PKDCC: variants seen among roughly 807,000 people sequenced by gnomAD.
PKDCC encodes extracellular tyrosine-protein kinase PKDCC.
A neutral mutation model predicts 44.7 loss-of-function variants in PKDCC; 35 were observed. The observed-to-expected ratio is 0.78, with a 90% CI of 0.60 to 1.04. The LOEUF (loss-of-function observed/expected upper bound fraction) is 1.04. PKDCC is among the 50% of genes least tolerant of loss of function. The pLI is 0.00. For missense variants in PKDCC, 738 were observed against 672.7 expected, an observed-to-expected ratio of 1.10 and a Z score of -1.07; for synonymous variants, 353 against 303.3, an observed-to-expected ratio of 1.16 and a Z score of -1.70.
Position 42,048,611 on chromosome 2 carries a change from G to T in PKDCC, c.412G>T (p.Val138Leu). ...PRLGCAALRN[V>L]SGAQYMGSGY... The stretch of plus-strand genomic sequence containing the variant: ...CCTGGGCTGCGCCGCGCTTCGCAAC[G>T]TGTCCGGCGCGCAGTACATGGGCTC... Residue 138 changes from valine (V) to leucine (L), a missense_variant, in exon 1 of 7, where the codon GTG becomes TTG. By Grantham distance (32) the Val-to-Leu change is conservative. Coordinates refer to ENST00000294964, the MANE Select transcript of PKDCC (RefSeq NM_138370.3). This position sits in a 1 kb window ranked among gnomAD's most constrained non-coding sequence, Gnocchi z 6.2. 2 of 1,512,970 alleles carry T rather than the reference G, an allele frequency of 1.3e-6. No individual in the cohort carries two copies. 93.7% of individuals were successfully genotyped at this position (1,512,970 alleles called of 1,614,324 possible).
intron 2 of PKDCC, 66 bp downstream of exon 2, chr2:42,053,427 C>T (rs1335164754): frequency 2.0e-6 from 3 of 1,520,850 alleles, no homozygotes; most frequent in Admixed American, 4.3e-5. Context: ...AGAAGGCCAG[C>T]CCTCCAAAGC....
At chr2:42,053,912 C>A in intron 2 of PKDCC, 124 bp from the exon 3 acceptor site, 1 of 1,225,360 alleles carries the variant, frequency 8.2e-7, no homozygotes, top group Non-Finnish European at 1.1e-6. Context: ...GCCCTGGGGC[C>A]TATAGAAGAG....
chr2:42,048,619 C>G lies in PKDCC; in HGVS notation c.420C>G (p.Gly140=). ...GCGCCGCGCTTCGCAACGTGTCCGG[C>G]GCGCAGTACATGGGCTCAGGCTACA... ...LGCAALRNVS[G]AQYMGSGYTK... The change falls in exon 1 of 7, where the codon GGC becomes GGG. Residue 140 remains glycine, a synonymous_variant. Transcript: ENST00000294964. The surrounding 1 kb of genome is among the most constrained non-coding windows in gnomAD (Gnocchi z 6.2). 1 of 1,525,976 alleles carries G rather than the reference C, an allele frequency of 6.6e-7. No homozygotes were observed. Among genetic ancestry groups the G allele is most frequent in the Non-Finnish European group, 8.8e-7 (1 of 1,137,428 alleles). 94.5% of individuals were successfully genotyped at this position (1,525,976 alleles called of 1,614,324 possible).
intron 6 of PKDCC, 88 bp downstream of exon 6, chr2:42,057,482 G>T: frequency 6.4e-7 from 1 of 1,574,122 alleles, no homozygotes; most frequent in Non-Finnish European, 8.7e-7. Context: ...GAAGTCAGAG[G>T]GGGTGCTGAG....
chr2:42,055,015 C>A lies in PKDCC; in HGVS notation c.1109C>A (p.Ala370Asp). The A allele has an allele frequency of 6.2e-7, 1 of 1,613,730 alleles. No homozygotes were observed. The highest frequency in any genetic ancestry group is 8.5e-7 in the Non-Finnish European group (1 of 1,179,640). Residue 370 changes from alanine (A) to aspartate (D), a missense_variant, in exon 4 of 7, where the codon GCC (alanine) becomes GAC (aspartate). Transcript: ENST00000294964. The surrounding 1 kb of genome is among the most constrained non-coding windows in gnomAD (Gnocchi z 4.5). ...LRPLLDSIVN[A>D]TGELAWGVDE... ...CCTCTGCTGGACAGCATCGTCAACG[C>A]CACAGGTGAGCTCTCCAGGGCCCAT... is the stretch of plus-strand genomic sequence containing the variant.
Position 42,048,216 on chromosome 2 carries a change from C to T in PKDCC, c.17C>T (p.Ala6Val), listed in dbSNP as rs758398844. ...AGGGGAGCGATGCGGCGCCGGCGGG[C>T]GGCAGTGGCCGCGGGTTTCTGCGCC... MRRRR[A>V]AVAAGFCASF... The change falls in exon 1 of 7, where the codon GCG (alanine) becomes GTG (valine). Residue 6 changes from alanine (A) to valine (V), a missense_variant. Transcript: ENST00000294964. This position sits in a 1 kb window ranked among gnomAD's most constrained non-coding sequence, Gnocchi z 6.2. The T allele has an allele frequency of 9.5e-5, 115 of 1,207,444 alleles. 1 individual carries two copies. In the African/African-American group the frequency reaches 1.5e-3, roughly 16 times the overall value. 74.8% of individuals were successfully genotyped at this position (1,207,444 alleles called of 1,614,324 possible).
chr2:42,050,772 A>G (rs970999428), intron 1 of PKDCC, among the ~76,000 whole-genome samples: 16 of 152,046 alleles, frequency 1.1e-4, no homozygotes, highest in African/African-American at 3.9e-4. Flanking sequence ...ACCCAGGAAA[A>G]GTGAAAAGTG....
In PKDCC at chr2:42,053,356, T is replaced by C. The variant is rs1157657577; in HGVS notation, c.757T>C (p.Phe253Leu). ...GCTGCAAACTTCCTGGGAGGATCGA[T>C]TCCGAGTGAGCTCAGAGGAGGGCTC... The part of the protein sequence containing the change: ...QLLQTSWEDR[F>L]RICLSLGRLL... The change falls in exon 2 of 7, where the codon TTC becomes CTC. Residue 253 changes from phenylalanine to leucine, a missense_variant. By Grantham distance (22) the Phe-to-Leu change is conservative (BLOSUM62 0). Coordinates refer to ENST00000294964, the MANE Select transcript of PKDCC (RefSeq NM_138370.3). 12 of 1,611,642 alleles carry C rather than the reference T, an allele frequency of 7.4e-6. No homozygotes were observed. Among genetic ancestry groups the C allele is most frequent in the Middle Eastern group, 1.6e-4 (1 of 6,066 alleles).
rs762123906 is a variant in PKDCC, at chr2:42,054,602, C to T, written c.1034+295C>T. 33 of 543,300 alleles carry T rather than the reference C, an allele frequency of 6.1e-5. No individual in the cohort carries two copies. Among genetic ancestry groups the T allele is most frequent in the Non-Finnish European group, 9.5e-5 (29 of 306,538 alleles). 33.7% of individuals were successfully genotyped at this position (543,300 alleles called of 1,614,324 possible). On this transcript the variant is annotated intron_variant, in intron 3 of 6. Coordinates refer to ENST00000294964, the MANE Select transcript of PKDCC (RefSeq NM_138370.3). The surrounding 1 kb of genome is among the most constrained non-coding windows in gnomAD (Gnocchi z 6.1). ...TGGCACTTTTCCCTTCCCACCCAGG[C>T]CCTTGTGCTCTGGGAAATTCCTCAC...
chr2:42,052,667 C>G lies in PKDCC; in HGVS notation c.640-572C>G, dbSNP rs189372129. On this transcript the variant is annotated intron_variant, in intron 1 of 6. Transcript: ENST00000294964. The surrounding 1 kb of genome is among the most constrained non-coding windows in gnomAD (Gnocchi z 4.3). ...GGGAGGCTGAGGCAGGAGAATCGCC[C>G]GCACCCAGGAAGCAGAGTGAGCTGA... 6.6e-6 allele frequency among the ~76,000 whole-genome samples: 1 copy of G among 151,414 alleles called. No individual in the cohort carries two copies. The highest frequency in any genetic ancestry group is 1.5e-5 in the Non-Finnish European group (1 of 67,874).
intron 5 of PKDCC, 40 bp from the exon 6 acceptor site, chr2:42,057,181 G>T (rs988593286): frequency 6.2e-7 from 1 of 1,605,194 alleles, no homozygotes; most frequent in East Asian, 2.2e-5. Flanking sequence ...TCAAACCTGG[G>T]CATACAGAAT....
Position 42,054,772 on chromosome 2 carries a change from C to T in PKDCC, c.1035-169C>T. 1 of 717,700 alleles carries T rather than the reference C, an allele frequency of 1.4e-6. No homozygotes were observed. Among genetic ancestry groups the T allele is most frequent in the Non-Finnish European group, 2.5e-6 (1 of 395,904 alleles). 44.5% of individuals were successfully genotyped at this position (717,700 alleles called of 1,614,324 possible). ...AAGTTAGGTGTGGTGTTAGCATGTG[C>T]CCAGAACCCTCCCCCGAGGCTGAGT... On this transcript the variant is annotated intron_variant, in intron 3 of 6. Coordinates refer to ENST00000294964, the MANE Select transcript of PKDCC (RefSeq NM_138370.3). The surrounding 1 kb of genome is among the most constrained non-coding windows in gnomAD (Gnocchi z 6.1).
In PKDCC at chr2:42,054,804, C is replaced by T. The variant is rs1668025790; in HGVS notation, c.1035-137C>T. The T allele has an allele frequency of 1.2e-6, 1 of 811,102 alleles. No homozygotes were observed. 50.2% of individuals were successfully genotyped at this position (811,102 alleles called of 1,614,324 possible). On this transcript the variant is annotated intron_variant, in intron 3 of 6. Transcript: ENST00000294964. The surrounding 1 kb of genome is among the most constrained non-coding windows in gnomAD (Gnocchi z 6.1). ...CCCTCCCCCGAGGCTGAGTAGACTTCACTGCGTTCTGCCTGGTTGCTAGGC... is the reference window on the plus strand; with the variant it reads ...CCCTCCCCCGAGGCTGAGTAGACTTTACTGCGTTCTGCCTGGTTGCTAGGC...
Position 42,057,775 on chromosome 2 carries a change from A to C in PKDCC, c.*87A>C. The C allele has an allele frequency of 8.6e-7, 1 of 1,158,098 alleles. No individual in the cohort carries two copies. Among genetic ancestry groups the C allele is most frequent in the Admixed American group, 2.0e-5 (1 of 50,734 alleles). The allele number at this position is 1,158,098 out of a possible 1,614,324, so 71.7% of individuals were successfully genotyped here. A position where few individuals can be genotyped will look rare whatever the true frequency, so the allele number is the denominator to read the frequency against. ...GAGTGACTTGCACTGGCAGCACTGC[A>C]TGTCACCTGGGAACCCCTGCAGACA... On this transcript the variant is annotated 3_prime_UTR_variant, in exon 7 of 7. Transcript: ENST00000294964.
chr2:42,048,611 G>C lies in PKDCC; in HGVS notation c.412G>C (p.Val138Leu). The change falls in exon 1 of 7, where the codon GTG (valine) becomes CTG (leucine). Residue 138 changes from valine (V) to leucine (L), a missense_variant. Coordinates refer to ENST00000294964, the MANE Select transcript of PKDCC (RefSeq NM_138370.3). This position sits in a 1 kb window ranked among gnomAD's most constrained non-coding sequence, Gnocchi z 6.2. ...PRLGCAALRN[V>L]SGAQYMGSGY... ...CCTGGGCTGCGCCGCGCTTCGCAACGTGTCCGGCGCGCAGTACATGGGCTC... is the reference window on the plus strand; with the variant it reads ...CCTGGGCTGCGCCGCGCTTCGCAACCTGTCCGGCGCGCAGTACATGGGCTC... 1 of 1,512,970 alleles carries C rather than the reference G, an allele frequency of 6.6e-7. No homozygotes were observed. Among genetic ancestry groups the C allele is most frequent in the Non-Finnish European group, 8.8e-7 (1 of 1,130,820 alleles). The allele number at this position is 1,512,970 out of a possible 1,614,324, so 93.7% of individuals were successfully genotyped here.
Position 42,048,260 on chromosome 2 carries a change from G to C in PKDCC, c.61G>C (p.Val21Leu). The C allele has an allele frequency of 2.3e-6, 3 of 1,279,258 alleles. No individual in the cohort carries two copies. The highest frequency in any genetic ancestry group is 3.0e-6 in the Non-Finnish European group (3 of 1,003,704). 79.2% of individuals were successfully genotyped at this position (1,279,258 alleles called of 1,614,324 possible). A position where few individuals can be genotyped will look rare whatever the true frequency, so the allele number is the denominator to read the frequency against. Reference protein sequence around the residue: ...GFCASFLLGSVLNVLFAPGSE... With the variant: ...GFCASFLLGSLLNVLFAPGSE... ...CTGCGCCTCCTTCCTGCTGGGCTCCGTCCTCAACGTGCTCTTCGCTCCGGG... is the reference window on the plus strand; with the variant it reads ...CTGCGCCTCCTTCCTGCTGGGCTCCCTCCTCAACGTGCTCTTCGCTCCGGG... Residue 21 changes from valine (V) to leucine (L), a missense_variant, in exon 1 of 7, where the codon GTC becomes CTC. Physicochemically the swap from Val to Leu is conservative, Grantham distance 32 (BLOSUM62 1). Transcript: ENST00000294964. The surrounding 1 kb of genome is among the most constrained non-coding windows in gnomAD (Gnocchi z 6.2).
At position 42,054,919 on chromosome 2, in the gene PKDCC, C is replaced by T. The variant is rs749685801; in HGVS notation, c.1035-22C>T. 3 of 1,602,156 alleles carry T rather than the reference C, an allele frequency of 1.9e-6. No individual in the cohort carries two copies. In the African/African-American group the frequency reaches 4.0e-5, roughly 21 times the overall value. On this transcript the variant is annotated intron_variant, in intron 3 of 6. Transcript: ENST00000294964. The surrounding 1 kb of genome is among the most constrained non-coding windows in gnomAD (Gnocchi z 6.1). Reference sequence around the variant, plus strand: ...GTCTCCAAAGGCTGGATTCCTGAGCCACTGGTTTCCCTCTGCCACAGGTTT... The same window carrying T: ...GTCTCCAAAGGCTGGATTCCTGAGCTACTGGTTTCCCTCTGCCACAGGTTT...
chr2:42,048,394 G>A lies in PKDCC; in HGVS notation c.195G>A (p.Glu65=). The change falls in exon 1 of 7, where the codon GAG becomes GAA. Residue 65 remains glutamate, a synonymous_variant. Transcript: ENST00000294964. This position sits in a 1 kb window ranked among gnomAD's most constrained non-coding sequence, Gnocchi z 6.2. The part of the protein sequence containing the change: ...ELARQIRARY[E]EVQRYSRGGP... ...CCCGGCAGATCCGGGCGCGCTACGA[G>A]GAGGTGCAGCGCTATTCCCGCGGGG... is the stretch of plus-strand genomic sequence containing the variant. 1 of 1,157,718 alleles carries A rather than the reference G, an allele frequency of 8.6e-7. No individual in the cohort carries two copies. The highest frequency in any genetic ancestry group is 4.1e-5 in the East Asian group (1 of 24,556). 71.7% of individuals were successfully genotyped at this position (1,157,718 alleles called of 1,614,324 possible).
rs755968453 is a variant in PKDCC at position 42,048,858 on chromosome 2, G to C, written c.639+20G>C. The C allele has an allele frequency of 7.6e-5, 110 of 1,455,348 alleles. No homozygotes were observed. Among genetic ancestry groups the C allele is most frequent in the Non-Finnish European group, 9.9e-5 (109 of 1,098,806 alleles). 90.2% of individuals were successfully genotyped at this position (1,455,348 alleles called of 1,614,324 possible). ...CTGCAGGTACGAGGGTGGGGACGCGGGGGTAACGGTGTTGGCTGGGAGTGC... is the reference window on the plus strand; with the variant it reads ...CTGCAGGTACGAGGGTGGGGACGCGCGGGTAACGGTGTTGGCTGGGAGTGC... On this transcript the variant is annotated intron_variant, in intron 1 of 6. Transcript: ENST00000294964. The surrounding 1 kb of genome is among the most constrained non-coding windows in gnomAD (Gnocchi z 6.2).
Sources: gnomAD v4.1 joint callset for allele counts (sites outside exome capture counted in the v4.1 genomes callset) on GRCh38, gnomAD v4.1.1 for gene constraint, Gnocchi (gnomAD v3.1) non-coding constraint, MANE v1.5 for transcripts, NCBI Gene and HGNC (gene_info 2026-07-23, HGNC 2026-07-21) for gene names.